The following RALY variants were observed in gnomAD, a reference collection of about 807,000 sequenced individuals.
The protein encoded by RALY is RNA-binding protein Raly.
RALY carries 15 observed loss-of-function variants against 30.7 expected under a neutral mutation model. That is an observed-to-expected ratio of 0.49 (90% CI 0.33 to 0.75). The LOEUF is 0.75. RALY is among the 30% of genes least tolerant of loss of function. The pLI is 0.02. For missense variants in RALY, 339 were observed against 414.3 expected, an observed-to-expected ratio of 0.82 and a Z score of 1.58; for synonymous variants, 177 against 170.8, an observed-to-expected ratio of 1.04 and a Z score of -0.28.
At chr20:34,001,086 CT>C in intron 1 of RALY, among the ~76,000 whole-genome samples, 1 of 152,206 alleles carries the variant, frequency 6.6e-6, no homozygotes, top group East Asian at 1.9e-4. Context: ...ATGGATATTG[CT>C]TTTTAGAGTG....
chr20:34,016,011 G>A (rs1335627539), intron 1 of RALY, among the ~76,000 whole-genome samples: 1 of 151,954 alleles, frequency 6.6e-6, no homozygotes, highest in African/African-American at 2.4e-5. Context: ...ACCCAGAATT[G>A]TGTGTGCTAC....
rs978047037 is a variant in RALY, at chr20:34,026,900, C to G, written c.-92-4622C>G. 2.0e-5 allele frequency among the ~76,000 whole-genome samples: 3 copies of G among 152,150 alleles called. No individual in the cohort carries two copies. In the East Asian group the frequency reaches 5.8e-4, roughly 29 times the overall value. On this transcript the variant is annotated intron_variant, in intron 1 of 9. Transcript: ENST00000246194. Reference sequence around the variant, plus strand: ...ATATGGAGCTTGAGATTTTGGACTTCTAGTCCTCAGAATAAGAGTTGCCGG... The same window carrying G: ...ATATGGAGCTTGAGATTTTGGACTTGTAGTCCTCAGAATAAGAGTTGCCGG...
chr20:34,070,369 T>C (rs2033692190), intron 2 of RALY, among the ~76,000 whole-genome samples: 1 of 152,162 alleles, frequency 6.6e-6, no homozygotes, highest in Admixed American at 6.5e-5. Context: ...TCCTTTCCCC[T>C]TTCCTCTTGG....
intron 2 of RALY, among the ~76,000 whole-genome samples, chr20:34,038,836 A>T (rs749817276): frequency 6.6e-6 from 1 of 152,220 alleles, no homozygotes; most frequent in Non-Finnish European, 1.5e-5. Context: ...TTGCTAGTAG[A>T]TGAAGAAAAT....
chr20:34,021,877 A>T (rs951241367), intron 1 of RALY, among the ~76,000 whole-genome samples: 1 of 151,410 alleles, frequency 6.6e-6, no homozygotes, highest in East Asian at 1.9e-4. Context: ...ATTATTAAAA[A>T]AATTTTTTTT....
intron 1 of RALY, among the ~76,000 whole-genome samples, chr20:34,028,604 T>C (rs1482942764): frequency 2.0e-5 from 3 of 146,586 alleles, no homozygotes; most frequent in African/African-American, 7.7e-5. Flanking sequence ...CTCAGGAGGC[T>C]GAGGCAGGAG....
chr20:34,024,113 C>G (rs1203827233), intron 1 of RALY, among the ~76,000 whole-genome samples: 2 of 152,068 alleles, frequency 1.3e-5, no homozygotes, highest in African/African-American at 2.4e-5. Context: ...TGGACAGATT[C>G]CCCTCCCTGC....
At chr20:34,003,266 A>G (rs2031001562) in intron 1 of RALY, among the ~76,000 whole-genome samples, 1 of 152,136 alleles carries the variant, frequency 6.6e-6, no homozygotes, top group African/African-American at 2.4e-5. Context: ...TCATCTGTGA[A>G]GTGGGGTTAA....
At chr20:34,040,044 G>T (rs1268713487) in intron 2 of RALY, among the ~76,000 whole-genome samples, 1 of 152,038 alleles carries the variant, frequency 6.6e-6, no homozygotes, top group African/African-American at 2.4e-5. Flanking sequence ...CCAGGAGGCG[G>T]AGGTTGCAGT....
rs1192310384 is a variant in RALY, at chr20:34,077,040, A to G, written c.671A>G (p.Lys224Arg). 1 of 1,600,746 alleles carries G rather than the reference A, an allele frequency of 6.2e-7. No homozygotes were observed. Among genetic ancestry groups the G allele is most frequent in the South Asian group, 1.1e-5 (1 of 90,038 alleles). ...CCTTCCCCTCAAGATGGCAAGAAGA[A>G]GGGTGATGGAGGTGGCGCCGGCGGC... ...EQKANPDGKK[K>R]GDGGGAGGGG... The change falls in exon 8 of 10, where the codon AAG becomes AGG. Residue 224 changes from lysine (K) to arginine (R), a missense_variant. Physicochemically the swap from Lys to Arg is conservative, Grantham distance 26. This residue lies in a region of RALY where 268 missense variants were observed against 280.6 expected (regional missense o/e 0.95). Transcript: ENST00000246194.
chr20:34,056,782 G>A (rs2284387), intron 2 of RALY, among the ~76,000 whole-genome samples: 113,305 of 152,200 alleles, frequency 0.74, 42,664 homozygotes, highest in South Asian at 0.85. Context: ...GTAATACATG[G>A]TGCTGCGAGG....
At chr20:34,058,916 G>T (rs1207757914) in intron 2 of RALY, among the ~76,000 whole-genome samples, 1 of 152,124 alleles carries the variant, frequency 6.6e-6, no homozygotes, top group African/African-American at 2.4e-5. Flanking sequence ...ACAGGAGGTG[G>T]CAGGGGCACA....
chr20:34,042,828 G>C (rs1001536093), intron 2 of RALY, among the ~76,000 whole-genome samples: 1 of 152,034 alleles, frequency 6.6e-6, no homozygotes, highest in African/African-American at 2.4e-5. Flanking sequence ...AAAACATTTG[G>C]GCCCTAATCG....
chr20:34,037,383 A>G (rs1449747051), intron 2 of RALY, among the ~76,000 whole-genome samples: 1 of 152,192 alleles, frequency 6.6e-6, no homozygotes, highest in African/African-American at 2.4e-5. Flanking sequence ...AGGTTGCCTG[A>G]TACAGAGCTA....
chr20:34,057,350 C>G (rs572562224), intron 2 of RALY, among the ~76,000 whole-genome samples: 58 of 152,198 alleles, frequency 3.8e-4, no homozygotes, highest in African/African-American at 1.4e-3. Context: ...AAATTCTTAC[C>G]CAAATTATTG....
chr20:34,012,649 A>G (rs2031451853), intron 1 of RALY, among the ~76,000 whole-genome samples: 1 of 152,212 alleles, frequency 6.6e-6, no homozygotes, highest in Non-Finnish European at 1.5e-5. Flanking sequence ...CTTGCAGTAA[A>G]AAGTAGGGCA....
chr20:34,041,443 C>G (rs2032695789), intron 2 of RALY, among the ~76,000 whole-genome samples: 1 of 152,226 alleles, frequency 6.6e-6, no homozygotes, highest in Admixed American at 6.5e-5. Context: ...GAGTCCAAAT[C>G]TTTAGTCTTG....
intron 1 of RALY, chr20:34,016,643 C>A (rs1485637498): frequency 2.0e-5 from 3 of 152,230 alleles, no homozygotes; most frequent in Non-Finnish European, 2.9e-5. Context: ...CCACCTTGGA[C>A]AAGTTTCTTT....
chr20:33,996,568 A>G (rs1289896591), intron 1 of RALY, among the ~76,000 whole-genome samples: 5 of 152,178 alleles, frequency 3.3e-5, no homozygotes, highest in African/African-American at 1.2e-4. Flanking sequence ...GTAAGTGGCC[A>G]TGGCAGTATT....
Sources: gnomAD v4.1 joint callset for allele counts (sites outside exome capture counted in the v4.1 genomes callset) on GRCh38, gnomAD v4.1.1 for gene constraint, gnomAD v4.1.1 regional missense constraint, MANE v1.5 for transcripts, NCBI Gene and HGNC (gene_info 2026-07-23, HGNC 2026-07-21) for gene names.